Variants in DHX32 observed in about 807,000 individuals in gnomAD.
The protein encoded by DHX32 is putative pre-mRNA-splicing factor ATP-dependent RNA helicase DHX32.
DHX32 carries 51 observed loss-of-function variants against 70.0 expected under a neutral mutation model. The observed-to-expected ratio is 0.73, with a 90% CI of 0.58 to 0.92. DHX32 has a LOEUF of 0.92. DHX32 is among the 40% of genes least tolerant of loss of function. The pLI is 0.00. For missense variants in DHX32, 762 were observed against 891.8 expected (o/e 0.85, Z 1.85); for synonymous variants, 310 against 315.3 (o/e 0.98, Z 0.18).
At chr10:125,842,736 C>T (rs1304764523) in intron 6 of DHX32, 46 of 761,218 alleles carry the variant, frequency 6.0e-5, no homozygotes, top group Non-Finnish European at 7.0e-5. Flanking sequence ...TGACCTGGAT[C>T]TCAGATGCTA....
In DHX32 at chr10:125,881,048, G is replaced by T. The variant is rs1203988592; in HGVS notation, c.-224C>A. 4.7e-6 allele frequency: 2 copies of T among 427,306 alleles called. No homozygotes were observed. Among genetic ancestry groups the T allele is most frequent in the Non-Finnish European group, 8.2e-6 (2 of 244,746 alleles). The allele number at this position is 427,306 out of a possible 1,614,324, so 26.5% of individuals were successfully genotyped here. On this transcript the variant is annotated 5_prime_UTR_variant, in exon 1 of 11. Transcript: ENST00000284690. ...GCTCACTACAGCACTCTTCGGCATT[G>T]TAAATGATTGTCAATAAACCACACT...
chr10:125,879,487 G>A (rs746880611), intron 1 of DHX32, among the ~76,000 whole-genome samples: 12 of 152,094 alleles, frequency 7.9e-5, no homozygotes, highest in African/African-American at 2.4e-4. Flanking sequence ...TCCCTAACTC[G>A]GAACTTTCCA....
At chr10:125,862,157 G>A (rs1944193212) in intron 2 of DHX32, among the ~76,000 whole-genome samples, 2 of 152,194 alleles carry the variant, frequency 1.3e-5, no homozygotes. Context: ...AACCCAGATA[G>A]TTGTTCTATC....
At chr10:125,852,680 G>C in intron 4 of DHX32, 38 bp from the exon 5 acceptor site, 7 of 1,558,476 alleles carry the variant, frequency 4.5e-6, no homozygotes, top group Non-Finnish European at 6.1e-6. Context: ...CGTCAGATAA[G>C]TCATGATTCA....
rs1554897798 is a variant in DHX32 at position 125,880,571 on chromosome 10, C to T, written c.254G>A (p.Gly85Glu). 2.5e-6 allele frequency: 4 copies of T among 1,612,074 alleles called. No individual in the cohort carries two copies. The highest frequency in any genetic ancestry group is 2.5e-6 in the Non-Finnish European group (3 of 1,178,664). ...LLQNQIVIVS[G>E]DAKCGKSAQV... ...AGCGCTCTTACCACATTTAGCATCT[C>T]CTGAAACAATCACGATTTGATTTTG... is the stretch of plus-strand genomic sequence containing the variant. The change falls in exon 1 of 11, where the codon GGA becomes GAA. Residue 85 changes from glycine (G) to glutamate (E), a missense_variant. Transcript: ENST00000284690.
chr10:125,874,356 A>G (rs1300837798), intron 1 of DHX32, among the ~76,000 whole-genome samples: 1 of 152,172 alleles, frequency 6.6e-6, no homozygotes, highest in African/African-American at 2.4e-5. Context: ...TACCATTTTG[A>G]TTTTTCTCAC....
intron 6 of DHX32, among the ~76,000 whole-genome samples, chr10:125,847,602 G>A (rs1944037870): frequency 2.0e-5 from 3 of 152,204 alleles, no homozygotes; most frequent in Non-Finnish European, 1.5e-5. Context: ...ACAGACCAGA[G>A]GGTGGAGAGG....
At chr10:125,856,196 C>T (rs886147264) in intron 3 of DHX32, among the ~76,000 whole-genome samples, 1 of 152,182 alleles carries the variant, frequency 6.6e-6, no homozygotes, top group Non-Finnish European at 1.5e-5. Context: ...TTTCCTATAA[C>T]TACCTGCACA....
At chr10:125,886,490 A>G (rs1338564889) in intron 1 of DHX32, among the ~76,000 whole-genome samples, 1 of 152,154 alleles carries the variant, frequency 6.6e-6, no homozygotes, top group Non-Finnish European at 1.5e-5. Flanking sequence ...TTTCACTCTT[A>G]GCTAAGTTCA....
chr10:125,878,668 A>C (rs1944298492), intron 1 of DHX32, among the ~76,000 whole-genome samples: 1 of 150,746 alleles, frequency 6.6e-6, no homozygotes, highest in Non-Finnish European at 1.5e-5. Flanking sequence ...TTCCTTCTCT[A>C]CACTACCTTG....
At chr10:125,891,678 A>C (rs1413798566) in intron 1 of DHX32, among the ~76,000 whole-genome samples, 55 of 149,250 alleles carry the variant, frequency 3.7e-4, no homozygotes, top group South Asian at 1.3e-3. Context: ...ATAAAACAAT[A>C]ATAGATGAAC....
At chr10:125,841,079 C>T in intron 7 of DHX32, 83 bp from the exon 8 acceptor site, 1 of 1,476,100 alleles carries the variant, frequency 6.8e-7, no homozygotes, top group South Asian at 1.3e-5. Flanking sequence ...GGGGTCACGA[C>T]TGTTAGTGGC....
In DHX32 at chr10:125,867,060, C is replaced by T. The variant is rs1944224703; in HGVS notation, c.406G>A (p.Val136Ile). ...LALRVADEMDVNIGHEVGYVI... is the reference protein window; with the variant it reads ...LALRVADEMDINIGHEVGYVI... ...TAGCCAACCTCATGACCAATGTTAACATCCATTTCATCCGCCACCCGCAGG... is the reference window on the plus strand; with the variant it reads ...TAGCCAACCTCATGACCAATGTTAATATCCATTTCATCCGCCACCCGCAGG... The change falls in exon 2 of 11, where the codon GTT becomes ATT. Residue 136 changes from valine (V) to isoleucine (I), a missense_variant. Transcript: ENST00000284690. 1.9e-6 allele frequency: 3 copies of T among 1,614,092 alleles called. No individual in the cohort carries two copies. Among genetic ancestry groups the T allele is most frequent in the African/African-American group, 2.7e-5 (2 of 74,926 alleles).
intron 3 of DHX32, among the ~76,000 whole-genome samples, chr10:125,859,209 C>G (rs1184001723): frequency 6.6e-6 from 1 of 152,002 alleles, no homozygotes; most frequent in Non-Finnish European, 1.5e-5. Flanking sequence ...AGGTAATAGT[C>G]CTGATCTCCA....
rs759691622 is a variant in DHX32, at chr10:125,841,707, T to C, written c.1543+36A>G. 6.9e-6 allele frequency: 11 copies of C among 1,592,812 alleles called. No homozygotes were observed. The South Asian group carries it at 7.0e-5, about 10-fold the overall frequency. ...ATCTAAATCTATACCTAGTGCAGAT[T>C]TGCAAAAAAAGAAAAGGAATAGTCA... On this transcript the variant is annotated intron_variant, in intron 7 of 10. Transcript: ENST00000284690.
chr10:125,851,444 CTTCCT>C (rs1285543128), intron 6 of DHX32, among the ~76,000 whole-genome samples: 28 of 152,076 alleles, frequency 1.8e-4, no homozygotes, highest in African/African-American at 6.8e-4. Flanking sequence ...ATCACCAAGC[CTTCCT>C]TTTCTTCTCC....
At chr10:125,859,475 T>C in intron 3 of DHX32, 128 bp downstream of exon 3, 1 of 1,033,934 alleles carries the variant, frequency 9.7e-7, no homozygotes, top group Non-Finnish European at 1.4e-6. Flanking sequence ...ACAGGTTTTA[T>C]TTAATGAGGT....
Position 125,859,876 on chromosome 10 carries a change from A to C in DHX32, c.576T>G (p.Ile192Met), listed in dbSNP as rs757162489. The stretch of plus-strand genomic sequence containing the variant: ...GAAGTCCAAGTAACACATCAGTTGC[A>C]ATGCTTCTTTCATGAATATCATCTA... The part of the protein sequence containing the change: ...IILDDIHERS[I>M]ATDVLLGLLK... The change falls in exon 3 of 11, where the codon ATT becomes ATG. Residue 192 changes from isoleucine (I) to methionine (M), a missense_variant. By Grantham distance (10) the Ile-to-Met change is conservative. Coordinates refer to ENST00000284690, the MANE Select transcript of DHX32 (RefSeq NM_018180.3). 6.2e-7 allele frequency: 1 copy of C among 1,614,090 alleles called. No homozygotes were observed. The highest frequency in any genetic ancestry group is 1.1e-5 in the South Asian group (1 of 91,072).
chr10:125,883,516 G>A (rs1219642359), upstream of DHX32, among the ~76,000 whole-genome samples: 1 of 152,134 alleles, frequency 6.6e-6, no homozygotes, highest in African/African-American at 2.4e-5. Context: ...GTCCACAGCA[G>A]CATAAACCTT....
Sources: gnomAD v4.1 joint callset for allele counts (sites outside exome capture counted in the v4.1 genomes callset) on GRCh38, gnomAD v4.1.1 for gene constraint, MANE v1.5 for transcripts, NCBI Gene and HGNC (gene_info 2026-07-23, HGNC 2026-07-21) for gene names.